GALNT16: variants seen among roughly 807,000 people sequenced by gnomAD.
GALNT16 encodes the protein polypeptide N-acetylgalactosaminyltransferase 16, also known as UDP-GalNAc:polypeptide N-acetylgalactosaminyltransferase-like protein 1.
In GALNT16, 40 loss-of-function variants were observed where a neutral mutation model predicts 76.1. The ratio of observed to expected loss-of-function variants is 0.53; its 90% confidence interval spans 0.41 to 0.68. The LOEUF (loss-of-function observed/expected upper bound fraction) is 0.68, where lower values mean the gene tolerates loss of function less well. Ranked by LOEUF, GALNT16 falls within the 30% of genes least tolerant of loss-of-function variation. The probability of loss-of-function intolerance (pLI) is 0.00; values close to 1 mark genes in which losing one functional copy is unlikely to be tolerated. For missense variants in GALNT16, 621 were observed against 731.9 expected (o/e 0.85, Z 1.75); for synonymous variants, 276 against 285.2 (o/e 0.97, Z 0.32).
intron 1 of GALNT16, among the ~76,000 whole-genome samples, chr14:69,284,963 C>T (rs1274082848): frequency 6.6e-6 from 1 of 151,984 alleles, no homozygotes; most frequent in East Asian, 1.9e-4. Flanking sequence ...TGTAAGTTTC[C>T]TGAGGCCTCC....
At chr14:69,269,913 G>A (rs949736154) in intron 1 of GALNT16, among the ~76,000 whole-genome samples, 12 of 151,924 alleles carry the variant, frequency 7.9e-5, no homozygotes, top group East Asian at 1.9e-4. Flanking sequence ...AAAAGGTAAC[G>A]GAGCCCTTGT....
intron 1 of GALNT16, among the ~76,000 whole-genome samples, chr14:69,271,471 C>G (rs112058192): frequency 1.3e-5 from 2 of 152,232 alleles, no homozygotes; most frequent in African/African-American, 2.4e-5. Context: ...CTGGGATCCC[C>G]GAAGCCAAGC....
chr14:69,369,361 T>C, the GALNT16 span, among the ~76,000 whole-genome samples: 2 of 152,116 alleles, frequency 1.3e-5, no homozygotes, highest in Non-Finnish European at 2.9e-5. Context: ...GAGACAAAGA[T>C]AAAAGCAAGA....
rs774652354 is a variant in GALNT16 at position 69,301,015 on chromosome 14, G to A, written c.178-19696G>A. 6.6e-5 allele frequency among the ~76,000 whole-genome samples: 10 copies of A among 152,340 alleles called. No individual in the cohort carries two copies. In the East Asian group the frequency reaches 1.5e-3, roughly 24 times the overall value. On this transcript the variant is annotated intron_variant, in intron 1 of 14. Transcript: ENST00000448469. ...CTTGCTGTGAGGCAGCCCCCTGGGA[G>A]TGCTGAGCTAATTCTATCCCTGGCT...
chr14:69,317,938 G>C (rs1008745994), intron 1 of GALNT16, among the ~76,000 whole-genome samples: 22 of 152,202 alleles, frequency 1.4e-4, no homozygotes, highest in African/African-American at 5.1e-4. Context: ...GGTGGTGACC[G>C]GGGCGAGGCC....
At chr14:69,378,278 T>C in the GALNT16 span, among the ~76,000 whole-genome samples, 3 of 152,214 alleles carry the variant, frequency 2.0e-5, no homozygotes, top group Admixed American at 2.0e-4. Context: ...CAAGAAATAT[T>C]TTAGAAATTC....
In GALNT16 at chr14:69,312,652, C is replaced by G. The variant is rs117724415; in HGVS notation, c.178-8059C>G. ...TGCTGATTTGGTCTGAGTACACAAA[C>G]TCTTGTATTTTTCTGTTCTTCCATG... On this transcript the variant is annotated intron_variant, in intron 1 of 14. Coordinates refer to ENST00000448469, the MANE Select transcript of GALNT16 (RefSeq NM_001168368.2). Among the ~76,000 whole-genome samples the G allele has an allele frequency of 5.4e-3, 827 of 152,330 alleles. 20 individuals are homozygous for G. The highest frequency in any genetic ancestry group is 0.043 in the Admixed American group (656 of 15,302).
rs536289250 is a variant in GALNT16, at chr14:69,261,195, A to G, written c.177+728A>G. 4.0e-5 allele frequency among the ~76,000 whole-genome samples: 6 copies of G among 151,680 alleles called. No homozygotes were observed. Among genetic ancestry groups the G allele is most frequent in the African/African-American group, 1.5e-4 (6 of 41,358 alleles). ...CGACATCTAAGCGGGCAGGGAAACA[A>G]AGGCAGTGTGGCACAGCGGGGGCGG... On this transcript the variant is annotated intron_variant, in intron 1 of 14. Coordinates refer to ENST00000448469, the MANE Select transcript of GALNT16 (RefSeq NM_001168368.2). This position sits in a 1 kb window ranked among gnomAD's most constrained non-coding sequence, Gnocchi z 6.4.
chr14:69,341,771 G>A lies in GALNT16; in HGVS notation c.1271+7G>A, dbSNP rs45510603. 1.8e-4 allele frequency: 288 copies of A among 1,603,360 alleles called. No homozygotes were observed. Among genetic ancestry groups the A allele is most frequent in the Non-Finnish European group, 2.4e-4 (277 of 1,171,046 alleles). ...ACGTCTACCCAGAGCTCACGTGAGT[G>A]CAGCCCTCATCTTGTGCATCCCCCA... is the stretch of plus-strand genomic sequence containing the variant. On this transcript the variant is annotated splice_region_variant and intron_variant, in intron 12 of 14. Coordinates refer to ENST00000448469, the MANE Select transcript of GALNT16 (RefSeq NM_001168368.2).
At chr14:69,323,817 G>C (rs1016106838) in intron 2 of GALNT16, among the ~76,000 whole-genome samples, 2 of 152,212 alleles carry the variant, frequency 1.3e-5, no homozygotes, top group South Asian at 2.1e-4. Context: ...GTAAGCTGCT[G>C]TCAGTAGAAT....
chr14:69,372,293 G>A, the GALNT16 span, among the ~76,000 whole-genome samples: 4 of 152,088 alleles, frequency 2.6e-5, no homozygotes, highest in African/African-American at 9.6e-5. Flanking sequence ...AGGCTCTTGG[G>A]GCAACATACT....
intron 1 of GALNT16, among the ~76,000 whole-genome samples, chr14:69,270,527 C>T (rs1162216033): frequency 6.6e-6 from 1 of 152,226 alleles, no homozygotes. Flanking sequence ...GCAGCTCTGC[C>T]TGTAGCTTCT....
intron 1 of GALNT16, among the ~76,000 whole-genome samples, chr14:69,267,246 A>G (rs1247272403): frequency 1.3e-5 from 2 of 152,222 alleles, no homozygotes. Context: ...GGCTAGAGAC[A>G]GTATGGTCAC....
intron 1 of GALNT16, among the ~76,000 whole-genome samples, chr14:69,274,338 C>A (rs1416224169): frequency 3.3e-5 from 5 of 152,176 alleles, no homozygotes; most frequent in African/African-American, 1.2e-4. Context: ...CATAACAAAT[C>A]ACCCCAAAAC....
At chr14:69,322,390 T>C (rs149494994) in intron 2 of GALNT16, among the ~76,000 whole-genome samples, 145 of 152,320 alleles carry the variant, frequency 9.5e-4, no homozygotes, top group African/African-American at 3.4e-3. Flanking sequence ...AGAGGATCTG[T>C]TGGCCCCAAT....
intron 2 of GALNT16, among the ~76,000 whole-genome samples, chr14:69,324,047 C>T (rs2045241567): frequency 6.6e-6 from 1 of 152,062 alleles, no homozygotes; most frequent in Non-Finnish European, 1.5e-5. Flanking sequence ...AATGTGGTGT[C>T]TATGGATGGC....
chr14:69,321,315 T>G (rs2045179901), intron 2 of GALNT16, among the ~76,000 whole-genome samples: 1 of 152,128 alleles, frequency 6.6e-6, no homozygotes, highest in Non-Finnish European at 1.5e-5. Flanking sequence ...CAGAAATGCT[T>G]CCTAGTCTTG....
chr14:69,286,213 G>T (rs2044609561), intron 1 of GALNT16, among the ~76,000 whole-genome samples: 1 of 152,092 alleles, frequency 6.6e-6, no homozygotes, highest in Admixed American at 6.5e-5. Context: ...GATAGATGAG[G>T]GAACTTTCTG....
Position 69,334,220 on chromosome 14 carries a change from G to A in GALNT16, c.967+620G>A, listed in dbSNP as rs76071316. Among the ~76,000 whole-genome samples, 914 of 152,352 alleles carry A rather than the reference G, an allele frequency of 6.0e-3. 11 individuals carry two copies. Among genetic ancestry groups the A allele is most frequent in the African/African-American group, 0.02 (852 of 41,580 alleles). On this transcript the variant is annotated intron_variant, in intron 9 of 14. Transcript: ENST00000448469. ...CCCCTCCCTGCCCTGAAGCAGCAGC[G>A]AAGGAGACAGAGGTGGGGGCAAAGT...
Sources: gnomAD v4.1 joint callset for allele counts (sites outside exome capture counted in the v4.1 genomes callset) on GRCh38, gnomAD v4.1.1 for gene constraint, Gnocchi (gnomAD v3.1) non-coding constraint, MANE v1.5 for transcripts, NCBI Gene and HGNC (gene_info 2026-07-23, HGNC 2026-07-21) for gene names.